SLC12A9: variants seen among roughly 807,000 people sequenced by gnomAD.
SLC12A9 encodes CCC-interacting protein 1.
Under a neutral mutation model 66.0 loss-of-function variants are expected in SLC12A9, and 55 were observed. The ratio of observed to expected loss-of-function variants is 0.83; its 90% CI spans 0.67 to 1.04. The LOEUF is 1.04. SLC12A9 is among the 50% of genes least tolerant of loss of function. The pLI is 0.00. For synonymous variants in SLC12A9, 577 were observed against 569.0 expected, an observed-to-expected ratio of 1.01 and a Z score of -0.20; for missense variants, 1,061 against 1,241.9, an observed-to-expected ratio of 0.85 and a Z score of 2.19.
intron 13 of SLC12A9, among the ~76,000 whole-genome samples, chr7:100,864,712 G>A (rs1004171130): frequency 1.3e-5 from 2 of 152,174 alleles, no homozygotes; most frequent in African/African-American, 4.8e-5. Flanking sequence ...TACCAGATAT[G>A]AGCCTATGGG....
Position 100,866,358 on chromosome 7 carries a change from TGGCACGCAGCGCCA to T in SLC12A9, c.2499_2512del (p.Ala834ArgfsTer24). On this transcript the variant is annotated frameshift_variant, in exon 14 of 14. Coordinates refer to ENST00000354161, the MANE Select transcript of SLC12A9 (RefSeq NM_020246.4). LOFTEE classifies it high-confidence loss of function. This position sits in a 1 kb window ranked among gnomAD's most constrained non-coding sequence, Gnocchi z 7.3. ...CGGGGAGACGCAGAGGCAGAGGCCC[TGGCACGCAGCGCCA>T]ACGCCCTGGTTCGGGCCCAGCAGGG... is the stretch of plus-strand genomic sequence containing the variant. The T allele has an allele frequency of 6.6e-7, 1 of 1,512,836 alleles. No homozygotes were observed. The highest frequency in any genetic ancestry group is 8.9e-7 in the Non-Finnish European group (1 of 1,127,074). The allele number at this position is 1,512,836 out of a possible 1,614,324, so 93.7% of individuals were successfully genotyped here. A position where few individuals can be genotyped will look rare whatever the true frequency, so the allele number is the denominator to read the frequency against.
In SLC12A9 at chr7:100,857,111, C is replaced by T. The variant is rs1394606509; in HGVS notation, c.692C>T (p.Ser231Phe). Residue 231 changes from serine to phenylalanine, a missense_variant, in exon 5 of 14, where the codon TCC (serine) becomes TTC (phenylalanine). Ser to Phe is a radical substitution (Grantham distance 155). Transcript: ENST00000354161. ...CCTAGGCCTGGCCCCAATGGCTCCT[C>T]CCTGCCGCCCCGGTTTGGCCACTTC... ...LTPRPGPNGS[S>F]LPPRFGHFTG... 2 of 1,614,094 alleles carry T rather than the reference C, an allele frequency of 1.2e-6. No homozygotes were observed. The highest frequency in any genetic ancestry group is 2.7e-5 in the African/African-American group (2 of 74,938).
At chr7:100,854,565 G>GT in intron 2 of SLC12A9, 55 bp from the exon 3 acceptor site, 2 of 1,610,108 alleles carry the variant, frequency 1.2e-6, no homozygotes, top group Non-Finnish European at 1.7e-6. Flanking sequence ...GAACCAGGGG[G>GT]TGGGGGATAT....
intron 1 of SLC12A9, among the ~76,000 whole-genome samples, chr7:100,830,584 T>C (rs1256556048): frequency 6.6e-6 from 1 of 151,700 alleles, no homozygotes; most frequent in African/African-American, 2.4e-5. Context: ...CACCAGGCAG[T>C]AATCTATTTT....
chr7:100,831,828 T>C (rs1813549741), intron 1 of SLC12A9, among the ~76,000 whole-genome samples: 1 of 152,118 alleles, frequency 6.6e-6, no homozygotes, highest in Non-Finnish European at 1.5e-5. Flanking sequence ...GGTCCAAAGT[T>C]CAGGTTTACC....
rs112409427 is a variant in SLC12A9 at position 100,855,599 on chromosome 7, A to G, written c.317-107A>G. ...ATATGAGTGACTTGGGCAAAGCCAC[A>G]TGGCTGGGGCCTGGCTGCACTTGGG... On this transcript the variant is annotated intron_variant, in intron 3 of 13. Coordinates refer to ENST00000354161, the MANE Select transcript of SLC12A9 (RefSeq NM_020246.4). The G allele has an allele frequency of 6.3e-4, 948 of 1,501,086 alleles. 2 individuals are homozygous for G. In the African/African-American group the frequency reaches 0.01, roughly 16 times the overall value. The allele number at this position is 1,501,086 out of a possible 1,614,324, so 93.0% of individuals were successfully genotyped here.
chr7:100,842,973 C>T (rs185230151), intron 1 of SLC12A9, among the ~76,000 whole-genome samples: 94 of 152,376 alleles, frequency 6.2e-4, no homozygotes, highest in African/African-American at 2.1e-3. Context: ...AAGTTCACTT[C>T]GTATCTCTCA....
At chr7:100,830,236 C>T (rs1188186320) in intron 1 of SLC12A9, among the ~76,000 whole-genome samples, 1 of 151,842 alleles carries the variant, frequency 6.6e-6, no homozygotes, top group Non-Finnish European at 1.5e-5. Context: ...CCTGCAGTCC[C>T]AGCTACTCGG....
At chr7:100,862,859 T>C in intron 13 of SLC12A9, 32 bp downstream of exon 13, 1 of 1,612,396 alleles carries the variant, frequency 6.2e-7, no homozygotes. Flanking sequence ...GCCCTCGGCC[T>C]TCCTCTGTGG....
chr7:100,862,891 C>A, intron 13 of SLC12A9, 64 bp downstream of exon 13: 1 of 1,596,824 alleles, frequency 6.3e-7, no homozygotes. Context: ...CTCCGCTCCC[C>A]TCCCCTAGAG....
chr7:100,828,268 G>A (rs1405970714), intron 1 of SLC12A9, among the ~76,000 whole-genome samples: 2 of 152,148 alleles, frequency 1.3e-5, no homozygotes, highest in Non-Finnish European at 2.9e-5. Context: ...GGCGGGCGCG[G>A]TGGCTCACGC....
At chr7:100,839,596 T>G (rs185983161) in intron 1 of SLC12A9, among the ~76,000 whole-genome samples, 207 of 152,224 alleles carry the variant, frequency 1.4e-3, no homozygotes, top group Non-Finnish European at 2.3e-3. Flanking sequence ...ATCCTGAGAG[T>G]GCTCCCTGGT....
upstream of SLC12A9, among the ~76,000 whole-genome samples, chr7:100,850,305 A>G (rs181002972): frequency 1.2e-3 from 165 of 137,346 alleles, no homozygotes; most frequent in South Asian, 3.9e-3. Context: ...TATCACCCAG[A>G]TGGGTGTGCA....
At position 100,860,105 on chromosome 7, in the gene SLC12A9, G is replaced by A. The variant is rs186977825; in HGVS notation, c.1136-45G>A. Reference sequence around the variant, plus strand: ...CTCCCTTGTCTGTCTCTCCGTCCCCGCTGAGCCCTGGCTGATGTGTCTGCT... The same window carrying A: ...CTCCCTTGTCTGTCTCTCCGTCCCCACTGAGCCCTGGCTGATGTGTCTGCT... On this transcript the variant is annotated intron_variant, in intron 8 of 13. Transcript: ENST00000354161. The A allele has an allele frequency of 7.3e-5, 118 of 1,614,118 alleles. 1 individual carries two copies. In the Middle Eastern group the frequency reaches 1.5e-3, roughly 20 times the overall value.
chr7:100,841,872 G>A (rs532462701), intron 1 of SLC12A9, among the ~76,000 whole-genome samples: 63 of 152,100 alleles, frequency 4.1e-4, no homozygotes, highest in Non-Finnish European at 7.6e-4. Context: ...TAAAGTCCAC[G>A]GCCAAGGTCC....
intron 6 of SLC12A9, 43 bp downstream of exon 6, chr7:100,858,985 C>T (rs1218266307): frequency 1.2e-6 from 2 of 1,612,534 alleles, no homozygotes; most frequent in Non-Finnish European, 1.7e-6. Context: ...TTGGGGCTGC[C>T]ACCGTGAGGG....
chr7:100,857,043 C>A lies in SLC12A9; in HGVS notation c.624C>A (p.Leu208=). Residue 208 remains leucine (L), a synonymous_variant, in exon 5 of 14, where the codon CTC becomes CTA. Coordinates refer to ENST00000354161, the MANE Select transcript of SLC12A9 (RefSeq NM_020246.4). The part of the protein sequence containing the change: ...LLVSGSLASV[L]ISFVAVGPRD... ...TCTCTGGCTCCCTGGCCTCTGTGCT[C>A]ATCAGTTTTGTGGCTGTGGGGCCGA... 2 of 1,614,246 alleles carry A rather than the reference C, an allele frequency of 1.2e-6. No individual in the cohort carries two copies. Among genetic ancestry groups the A allele is most frequent in the Non-Finnish European group, 1.7e-6 (2 of 1,180,042 alleles).
At position 100,866,508 on chromosome 7, in the gene SLC12A9, A is replaced by G; in HGVS notation, c.2648A>G (p.Tyr883Cys). The G allele has an allele frequency of 6.4e-7, 1 of 1,566,386 alleles. No homozygotes were observed. Among genetic ancestry groups the G allele is most frequent in the Non-Finnish European group, 8.6e-7 (1 of 1,156,504 alleles). The change falls in exon 14 of 14, where the codon TAC (tyrosine) becomes TGC (cysteine). Residue 883 changes from tyrosine (Y) to cysteine (C), a missense_variant. Coordinates refer to ENST00000354161, the MANE Select transcript of SLC12A9 (RefSeq NM_020246.4). The surrounding 1 kb of genome is among the most constrained non-coding windows in gnomAD (Gnocchi z 7.3). ...CGGCCGCCAGCCGATCCCGCCCGAT[A>G]CCCCCGCTACCTGGCGCTACTGGAG... ...LPRPPADPAR[Y>C]PRYLALLETL...
chr7:100,856,912 G>A lies in SLC12A9; in HGVS notation c.493G>A (p.Gly165Ser), dbSNP rs35529664. ...GCTCCGGGTCCTGCCCCAGGGCTAC[G>A]GCTGGAACCTGCTGTATGGCTCCCT... ...SGLRVLPQGY[G>S]WNLLYGSLLL... The change falls in exon 5 of 14, where the codon GGC becomes AGC. Residue 165 changes from glycine to serine, a missense_variant. Physicochemically the swap from Gly to Ser is moderately conservative, Grantham distance 56 (BLOSUM62 0). Transcript: ENST00000354161. 822 of 1,610,484 alleles carry A rather than the reference G, an allele frequency of 5.1e-4. 3 individuals carry two copies. Among genetic ancestry groups the A allele is most frequent in the East Asian group, 1.4e-3 (65 of 44,872 alleles).
Sources: gnomAD v4.1 joint callset for allele counts (sites outside exome capture counted in the v4.1 genomes callset) on GRCh38, gnomAD v4.1.1 for gene constraint, Gnocchi (gnomAD v3.1) non-coding constraint, MANE v1.5 for transcripts, NCBI Gene and HGNC (gene_info 2026-07-23, HGNC 2026-07-21) for gene names.